PCDHGB2: variants seen among roughly 807,000 people sequenced by gnomAD.
PCDHGB2 encodes protocadherin gamma-B2.
PCDHGB2 carries 55 observed loss-of-function variants against 59.3 expected under a neutral mutation model. The observed-to-expected ratio is 0.93, with a 90% CI of 0.75 to 1.16. The LOEUF is 1.16. PCDHGB2 is among the 50% of genes most tolerant of loss of function. The pLI, the probability that PCDHGB2 is intolerant of heterozygous loss-of-function variation, is 0.00. For missense variants in PCDHGB2, 1,228 were observed against 1,198.5 expected, an observed-to-expected ratio of 1.02 and a Z score of -0.36; for synonymous variants, 516 against 512.0, an observed-to-expected ratio of 1.01 and a Z score of -0.11.
At chr5:141,399,692 G>A (rs780007896) in intron 1 of PCDHGB2, 2 of 1,613,318 alleles carry the variant, frequency 1.2e-6, no homozygotes, top group Middle Eastern at 1.7e-4. Flanking sequence ...GAGCAGCTGC[G>A]CACCTTCGAA....
At chr5:141,384,790 G>T (rs999175494) in intron 1 of PCDHGB2, 2 of 1,613,416 alleles carry the variant, frequency 1.2e-6, no homozygotes, top group African/African-American at 2.7e-5. Flanking sequence ...CACGGCTCGG[G>T]CCCTGCTGGA....
chr5:141,489,794 T>TA lies in PCDHGB2; in HGVS notation c.2422-5009dup. The TA allele has an allele frequency of 1.2e-6, 2 of 1,614,120 alleles. No homozygotes were observed. The highest frequency in any genetic ancestry group is 2.2e-5 in the South Asian group (2 of 91,076). The stretch of plus-strand genomic sequence containing the variant: ...CACTTCTCTCTGAATGTGAAGACCC[T>TA]AAAAGATGGGAAGCCATTCCCAGAG... On this transcript the variant is annotated intron_variant, in intron 1 of 3. Transcript: ENST00000522605. This position sits in a 1 kb window ranked among gnomAD's most constrained non-coding sequence, Gnocchi z 4.5.
At chr5:141,446,296 G>A (rs2098497546) in intron 1 of PCDHGB2, among the ~76,000 whole-genome samples, 1 of 152,160 alleles carries the variant, frequency 6.6e-6, no homozygotes, top group Non-Finnish European at 1.5e-5. Context: ...GGGGAGCAGG[G>A]ATTAAGAGTG....
chr5:141,441,627 G>C (rs1239011684), intron 1 of PCDHGB2: 1 of 223,512 alleles, frequency 4.5e-6, no homozygotes, highest in Non-Finnish European at 9.0e-6. Context: ...CAGTGACCTG[G>C]AGCCACAGGC....
At chr5:141,415,396 G>C (rs11575962) in intron 1 of PCDHGB2, 2 of 1,614,204 alleles carry the variant, frequency 1.2e-6, no homozygotes, top group Non-Finnish European at 1.7e-6. Flanking sequence ...AGGTGTGTCC[G>C]GCTCGCACTT....
rs147564249 is a variant in PCDHGB2, at chr5:141,432,378, C to T, written c.2422-62429C>T. 1 of 1,614,234 alleles carries T rather than the reference C, an allele frequency of 6.2e-7. No homozygotes were observed. Among genetic ancestry groups the T allele is most frequent in the Non-Finnish European group, 8.5e-7 (1 of 1,180,044 alleles). ...GTGATGGCGCGGGACAACGGGCACCCGCCCCTCAGCAGCAACGTGTCGTTG... is the reference window on the plus strand; with the variant it reads ...GTGATGGCGCGGGACAACGGGCACCTGCCCCTCAGCAGCAACGTGTCGTTG... On this transcript the variant is annotated intron_variant, in intron 1 of 3. Coordinates refer to ENST00000522605, the MANE Select transcript of PCDHGB2 (RefSeq NM_018923.3). This position sits in a 1 kb window ranked among gnomAD's most constrained non-coding sequence, Gnocchi z 6.0.
At position 141,362,160 on chromosome 5, in the gene PCDHGB2, C is replaced by T. The variant is rs1215188936; in HGVS notation, c.2025C>T (p.Leu675=). 4 of 1,614,070 alleles carry T rather than the reference C, an allele frequency of 2.5e-6. No homozygotes were observed. Among genetic ancestry groups the T allele is most frequent in the Non-Finnish European group, 3.4e-6 (4 of 1,179,912 alleles). Residue 675 remains leucine (L), a synonymous_variant, in exon 1 of 4, where the codon CTC becomes CTT. Coordinates refer to ENST00000522605, the MANE Select transcript of PCDHGB2 (RefSeq NM_018923.3). Reference sequence around the variant, plus strand: ...GCCTGCAAGAGGTATTGCCAGACCTCAGCGACCGCCGGGAGCCCTCTGACC... The same window carrying T: ...GCCTGCAAGAGGTATTGCCAGACCTTAGCGACCGCCGGGAGCCCTCTGACC... ...ADSLQEVLPD[L]SDRREPSDPQ... is the part of the protein sequence containing the mutation.
At chr5:141,385,355 G>A in intron 1 of PCDHGB2, 1 of 1,548,228 alleles carries the variant, frequency 6.5e-7, no homozygotes, top group Non-Finnish European at 8.7e-7. Flanking sequence ...TTTCCATGAG[G>A]AATTTATTTG....
At chr5:141,478,050 C>T (rs2099429383) in intron 1 of PCDHGB2, 1 of 1,614,066 alleles carries the variant, frequency 6.2e-7, no homozygotes, top group Non-Finnish European at 8.5e-7. Flanking sequence ...CAGACTCTCA[C>T]GGTCTTGATC....
chr5:141,497,323 G>A lies in PCDHGB2; in HGVS notation c.2480+2458G>A, dbSNP rs373068300. Reference sequence around the variant, plus strand: ...CAGGCCATACACTGGCTTTGAAGCAGAATTCACCATTGAACCTGGAAGCCC... The same window carrying A: ...CAGGCCATACACTGGCTTTGAAGCAAAATTCACCATTGAACCTGGAAGCCC... On this transcript the variant is annotated intron_variant, in intron 2 of 3. Transcript: ENST00000522605. 1.2e-4 allele frequency among the ~76,000 whole-genome samples: 19 copies of A among 152,204 alleles called. No homozygotes were observed. In the East Asian group the frequency reaches 3.5e-3, roughly 28 times the overall value.
At chr5:141,380,806 A>G (rs1175015074) in intron 1 of PCDHGB2, among the ~76,000 whole-genome samples, 1 of 152,258 alleles carries the variant, frequency 6.6e-6, no homozygotes, top group Non-Finnish European at 1.5e-5. Context: ...AACAAATGTG[A>G]GATGAAACTA....
chr5:141,486,653 C>G lies in PCDHGB2; in HGVS notation c.2422-8154C>G. On this transcript the variant is annotated intron_variant, in intron 1 of 3. Transcript: ENST00000522605. This position sits in a 1 kb window ranked among gnomAD's most constrained non-coding sequence, Gnocchi z 5.0. ...CTTGAATGCGCTTATCTCCTACTCA[C>G]TCCTGGAGCCCAGGAATCGAGATGT... is the stretch of plus-strand genomic sequence containing the variant. 1 of 1,613,968 alleles carries G rather than the reference C, an allele frequency of 6.2e-7. No individual in the cohort carries two copies. Among genetic ancestry groups the G allele is most frequent in the Non-Finnish European group, 8.5e-7 (1 of 1,180,034 alleles).
intron 3 of PCDHGB2, among the ~76,000 whole-genome samples, chr5:141,509,362 G>C (rs2099876497): frequency 6.6e-6 from 1 of 152,152 alleles, no homozygotes; most frequent in Non-Finnish European, 1.5e-5. Flanking sequence ...GCATCCCTGA[G>C]GTTTTAACTG....
At chr5:141,421,069 AGATG>A in intron 1 of PCDHGB2, 1 of 598,532 alleles carries the variant, frequency 1.7e-6, no homozygotes, top group Non-Finnish European at 2.8e-6. Context: ...AAGCGGAATG[AGATG>A]GATACTCACA....
chr5:141,392,882 G>A (rs1394691115), intron 1 of PCDHGB2: 2 of 1,613,502 alleles, frequency 1.2e-6, no homozygotes, highest in Non-Finnish European at 1.7e-6. Flanking sequence ...TGGGAACGCT[G>A]TGGGAAATCG....
At chr5:141,379,679 T>C (rs561648427) in intron 1 of PCDHGB2, 1 of 152,142 alleles carries the variant, frequency 6.6e-6, no homozygotes, top group African/African-American at 2.4e-5. Flanking sequence ...CATTCACTCA[T>C]GTGGACTGAC....
intron 1 of PCDHGB2, chr5:141,404,984 C>T (rs779919758): frequency 6.2e-7 from 1 of 1,614,034 alleles, no homozygotes; most frequent in African/African-American, 1.3e-5. Context: ...CCTGGGCAGT[C>T]TTCAGATCCC....
intron 1 of PCDHGB2, among the ~76,000 whole-genome samples, chr5:141,461,248 C>A (rs1209563726): frequency 6.6e-6 from 1 of 152,038 alleles, no homozygotes; most frequent in Non-Finnish European, 1.5e-5. Context: ...AATTTATATT[C>A]CCAGCAGCAA....
chr5:141,414,443 A>G (rs1413718059), intron 1 of PCDHGB2: 1 of 1,613,892 alleles, frequency 6.2e-7, no homozygotes, highest in Non-Finnish European at 8.5e-7. Flanking sequence ...TCCTCTTACA[A>G]TATCACAGTG....
Sources: allele counts gnomAD v4.1 joint callset (sites outside exome capture counted in the v4.1 genomes callset), GRCh38; gene constraint gnomAD v4.1.1; non-coding constraint Gnocchi (gnomAD v3.1); transcripts MANE v1.5; gene names NCBI Gene and HGNC (gene_info 2026-07-23, HGNC 2026-07-21).